Variants in KLF12 observed in about 807,000 individuals in gnomAD.
KLF12 encodes Krueppel-like factor 12.
KLF12 carries 9 observed loss-of-function variants against 37.8 expected under a neutral mutation model. The observed-to-expected ratio is 0.24, with a 90% CI of 0.14 to 0.42. The LOEUF (loss-of-function observed/expected upper bound fraction) is 0.42. Among genes scored for constraint, KLF12 ranks in the 10% least tolerant of loss-of-function variants. The pLI is 1.00. For synonymous variants in KLF12, 208 were observed against 202.1 expected (o/e 1.03, Z -0.25); for missense variants, 411 against 516.0 (o/e 0.80, Z 1.97).
Position 73,789,453 on chromosome 13 carries a change from C to T in KLF12, c.806+23699G>A, listed in dbSNP as rs187458959. Among the ~76,000 whole-genome samples the T allele has an allele frequency of 4.6e-5, 7 of 152,194 alleles. No homozygotes were observed. In the East Asian group the frequency reaches 1.4e-3, roughly 30 times the overall value. On this transcript the variant is annotated intron_variant, in intron 5 of 7. Transcript: ENST00000377669. ...TTCTTTTTTCACCACCCTGAGAGAC[C>T]TGGGAGCCAGAAAACGTTCTGGACA...
chr13:74,275,858 CTTTCTTTCTATCTTTCTTTCTTCTTTCT>C, the KLF12 span, among the ~76,000 whole-genome samples: 7 of 113,856 alleles, frequency 6.1e-5, no homozygotes, highest in Non-Finnish European at 1.3e-4. Flanking sequence ...TTCTTTCTTT[CTTTCTTTCTATCTTTCTTTCTTCTTTCT>C]TTCTTTCTTT....
intron 6 of KLF12, among the ~76,000 whole-genome samples, chr13:73,735,773 C>A (rs575191133): frequency 7.9e-5 from 12 of 152,206 alleles, no homozygotes; most frequent in African/African-American, 2.9e-4. Context: ...ATTTAATCTG[C>A]AGAACAACTC....
chr13:74,161,557 A>G, the KLF12 span, among the ~76,000 whole-genome samples: 1 of 152,132 alleles, frequency 6.6e-6, no homozygotes, highest in African/African-American at 2.4e-5. Context: ...CTCCCTCAGA[A>G]CCTCCAGAAA....
intron 3 of KLF12, among the ~76,000 whole-genome samples, chr13:73,895,434 G>C (rs1887717348): frequency 6.6e-6 from 1 of 152,154 alleles, no homozygotes; most frequent in South Asian, 2.1e-4. Flanking sequence ...TAATTCTCTT[G>C]TGTACTTGGT....
At chr13:74,260,603 TAAAATA>T in the KLF12 span, among the ~76,000 whole-genome samples, 1 of 113,466 alleles carries the variant, frequency 8.8e-6, no homozygotes, top group Non-Finnish European at 1.6e-5. Flanking sequence ...TAAAATAAAA[TAAAATA>T]AAATAAAATA....
At chr13:73,963,420 C>A (rs1286858762) in intron 2 of KLF12, among the ~76,000 whole-genome samples, 1 of 151,882 alleles carries the variant, frequency 6.6e-6, no homozygotes, top group Non-Finnish European at 1.5e-5. Flanking sequence ...GAAAAACCAT[C>A]GCAGGCATTG....
the KLF12 span, among the ~76,000 whole-genome samples, chr13:74,187,383 A>T: frequency 6.6e-6 from 1 of 152,030 alleles, no homozygotes; most frequent in African/African-American, 2.4e-5. Context: ...TAACCTTGCC[A>T]TTCCTCGCTA....
chr13:74,114,584 T>G (rs7995760), intron 1 of KLF12, among the ~76,000 whole-genome samples: 147,255 of 152,234 alleles, frequency 0.97, 71,409 homozygotes, highest in Middle Eastern at 1. Context: ...AGAAGATTAA[T>G]GGATGAAGTA....
chr13:74,224,802 T>A, the KLF12 span, among the ~76,000 whole-genome samples: 1 of 152,166 alleles, frequency 6.6e-6, no homozygotes, highest in South Asian at 2.1e-4. Context: ...ATTGTTGTAA[T>A]TTTACCAAGC....
intron 6 of KLF12, among the ~76,000 whole-genome samples, chr13:73,750,499 T>A (rs1183708788): frequency 6.6e-6 from 1 of 152,088 alleles, no homozygotes; most frequent in Admixed American, 6.6e-5. Flanking sequence ...GAAAGAACAT[T>A]ACACACGGGC....
At chr13:74,054,541 A>C (rs1473019194) in intron 1 of KLF12, among the ~76,000 whole-genome samples, 1 of 151,852 alleles carries the variant, frequency 6.6e-6, no homozygotes, top group African/African-American at 2.4e-5. Context: ...AGAGAACTTC[A>C]AGATTATCAA....
chr13:74,038,479 A>C (rs1893316464), intron 1 of KLF12, among the ~76,000 whole-genome samples: 1 of 152,198 alleles, frequency 6.6e-6, no homozygotes, highest in Non-Finnish European at 1.5e-5. Flanking sequence ...GCAGTGCAGG[A>C]GGGAAGAGAA....
the KLF12 span, among the ~76,000 whole-genome samples, chr13:74,270,973 G>T: frequency 6.6e-6 from 1 of 152,176 alleles, no homozygotes; most frequent in African/African-American, 2.4e-5. Context: ...CCGGTTCATG[G>T]CCTGTTAGGA....
At chr13:74,135,784 A>C (rs1566230406), upstream of KLF12, among the ~76,000 whole-genome samples, 1 of 152,158 alleles carries the variant, frequency 6.6e-6, no homozygotes, top group Non-Finnish European at 1.5e-5. Flanking sequence ...GCAGAGAGAA[A>C]GCTTTGCTGT....
rs35528942 is a variant in KLF12, at chr13:74,092,296, C to CAAAAAAA, written c.-32+41436_-32+41442dup. ...TGGGATACAGAGTGAGACTCCGTCTCAAAAAAAAAAAAGAAGAGTTGGACT... is the reference window on the plus strand; with the variant it reads ...TGGGATACAGAGTGAGACTCCGTCTCAAAAAAAAAAAAAAAAAAAGAAGAGTTGGACT... On this transcript the variant is annotated intron_variant, in intron 1 of 7. Transcript: ENST00000377669. Among the ~76,000 whole-genome samples the CAAAAAAA allele has an allele frequency of 2.1e-4, 29 of 136,868 alleles. 1 individual carries two copies. Among genetic ancestry groups the CAAAAAAA allele is most frequent in the South Asian group, 4.6e-4 (2 of 4,342 alleles). 89.8% of individuals were successfully genotyped at this position (136,868 alleles called of 152,430 possible). A position where few individuals can be genotyped will look rare whatever the true frequency, so the allele number is the denominator to read the frequency against.
chr13:74,289,295 C>T, the KLF12 span: 3 of 152,122 alleles, frequency 2.0e-5, no homozygotes, highest in Admixed American at 6.5e-5. Flanking sequence ...AATGTCATGT[C>T]GTTCTGGTGA....
At chr13:73,886,749 T>C (rs576459580) in intron 3 of KLF12, among the ~76,000 whole-genome samples, 2 of 152,236 alleles carry the variant, frequency 1.3e-5, no homozygotes, top group South Asian at 2.1e-4. Flanking sequence ...CCCAGCACTT[T>C]TGGAGGCCGA....
chr13:74,251,510 T>C, the KLF12 span, among the ~76,000 whole-genome samples: 1 of 152,172 alleles, frequency 6.6e-6, no homozygotes, highest in Admixed American at 6.5e-5. Context: ...CAAAACTTCA[T>C]TGTGGCTGGA....
intron 1 of KLF12, among the ~76,000 whole-genome samples, chr13:73,999,766 C>A (rs1427135693): frequency 1.4e-5 from 2 of 145,134 alleles, no homozygotes; most frequent in Non-Finnish European, 3.0e-5. Context: ...AAACAAAAAC[C>A]CCAGGCACAA....
Sources: allele counts gnomAD v4.1 joint callset (sites outside exome capture counted in the v4.1 genomes callset), GRCh38; gene constraint gnomAD v4.1.1; transcripts MANE v1.5; gene names NCBI Gene and HGNC (gene_info 2026-07-23, HGNC 2026-07-21).